WARS2: variants seen among roughly 807,000 people sequenced by gnomAD.
WARS2 encodes tryptophan--tRNA ligase, mitochondrial.
In WARS2, 28 loss-of-function variants were observed where a neutral mutation model predicts 36.5. That is an observed-to-expected ratio of 0.77 (90% confidence interval 0.57 to 1.05). The LOEUF is 1.05. Among genes scored for constraint, WARS2 ranks in the 50% least tolerant of loss-of-function variants. The probability of loss-of-function intolerance (pLI) is 0.00; values close to 1 mark genes in which losing one functional copy is unlikely to be tolerated. For missense variants in WARS2, 435 were observed against 456.8 expected (o/e 0.95, Z 0.44); for synonymous variants, 174 against 178.4 (o/e 0.98, Z 0.20).
chr1:119,091,294 C>G (rs928016151), intron 1 of WARS2, among the ~76,000 whole-genome samples: 3 of 152,148 alleles, frequency 2.0e-5, no homozygotes, highest in African/African-American at 7.2e-5. Context: ...ATAGCAAGAG[C>G]TATAAATGTA....
intron 1 of WARS2, among the ~76,000 whole-genome samples, chr1:119,125,024 T>G (rs587633762): frequency 1.3e-5 from 2 of 152,342 alleles, no homozygotes; most frequent in Non-Finnish European, 1.5e-5. Flanking sequence ...CTTATAGGGC[T>G]GTTACAAGAA....
chr1:119,069,239 C>G (rs1238339222), intron 2 of WARS2, among the ~76,000 whole-genome samples: 1 of 152,098 alleles, frequency 6.6e-6, no homozygotes, highest in Non-Finnish European at 1.5e-5. Flanking sequence ...ATATTTTTCT[C>G]TAACTCATAA....
chr1:119,098,839 T>A (rs944454641), intron 1 of WARS2, among the ~76,000 whole-genome samples: 16 of 151,760 alleles, frequency 1.1e-4, no homozygotes, highest in African/African-American at 3.9e-4. Context: ...TGGATACAAG[T>A]GATTCTCCTG....
chr1:119,041,805 T>C (rs1648390086), intron 4 of WARS2, among the ~76,000 whole-genome samples: 1 of 152,208 alleles, frequency 6.6e-6, no homozygotes, highest in Admixed American at 6.5e-5. Flanking sequence ...TAGCTACTGG[T>C]TATGAGCACA....
At chr1:119,111,061 C>A (rs587722868) in intron 1 of WARS2, among the ~76,000 whole-genome samples, 1 of 152,084 alleles carries the variant, frequency 6.6e-6, no homozygotes, top group African/African-American at 2.4e-5. Flanking sequence ...TCCATTAAAG[C>A]CCTTAACATA....
At chr1:119,111,180 T>G (rs1654605934) in intron 1 of WARS2, among the ~76,000 whole-genome samples, 1 of 152,194 alleles carries the variant, frequency 6.6e-6, no homozygotes, top group Admixed American at 6.5e-5. Flanking sequence ...TTTTTACTGG[T>G]TAGTATGTCT....
intron 2 of WARS2, chr1:119,064,865 G>A (rs1042579238): frequency 6.7e-6 from 1 of 150,068 alleles, no homozygotes; most frequent in Non-Finnish European, 1.5e-5. Flanking sequence ...TTAAAGGAAA[G>A]TCTCAAAAAT....
chr1:119,086,885 A>G (rs1652712640), intron 1 of WARS2, among the ~76,000 whole-genome samples: 1 of 152,022 alleles, frequency 6.6e-6, no homozygotes, highest in African/African-American at 2.4e-5. Context: ...TCTTCTGTAG[A>G]GTACTCCTCT....
At chr1:119,104,516 T>C (rs936904658) in intron 1 of WARS2, among the ~76,000 whole-genome samples, 6 of 151,362 alleles carry the variant, frequency 4.0e-5, no homozygotes, top group African/African-American at 1.2e-4. Flanking sequence ...TTGTTCAGCA[T>C]CTAATATGTG....
chr1:119,091,767 C>T (rs910577870), intron 1 of WARS2, among the ~76,000 whole-genome samples: 9 of 152,162 alleles, frequency 5.9e-5, no homozygotes, highest in African/African-American at 2.2e-4. Flanking sequence ...GGGAAGGAAT[C>T]ACTGCTGACA....
chr1:119,078,987 G>T lies in WARS2; in HGVS notation c.91-2380C>A, dbSNP rs587711918. Among the ~76,000 whole-genome samples the T allele has an allele frequency of 1.1e-4, 16 of 152,162 alleles. No individual in the cohort carries two copies. In the East Asian group the frequency reaches 1.7e-3, roughly 17 times the overall value. On this transcript the variant is annotated intron_variant, in intron 1 of 5. Coordinates refer to ENST00000235521, the MANE Select transcript of WARS2 (RefSeq NM_015836.4). ...ACATATGCATATACAAAATGTGTGTGTGTGTGCACTTTGAAGTTTTATCTT... is the reference window on the plus strand; with the variant it reads ...ACATATGCATATACAAAATGTGTGTTTGTGTGCACTTTGAAGTTTTATCTT...
chr1:119,094,494 A>T (rs1325805438), intron 1 of WARS2, among the ~76,000 whole-genome samples: 1 of 151,998 alleles, frequency 6.6e-6, no homozygotes, highest in Non-Finnish European at 1.5e-5. Context: ...CTTTTACTTT[A>T]AAAAAACAAG....
chr1:119,033,794 C>T (rs1444172063), intron 5 of WARS2, among the ~76,000 whole-genome samples: 1 of 152,168 alleles, frequency 6.6e-6, no homozygotes, highest in African/African-American at 2.4e-5. Flanking sequence ...CAAGAAGCAT[C>T]TGTTCATACT....
At chr1:119,069,225 A>C (rs1235695572) in intron 2 of WARS2, among the ~76,000 whole-genome samples, 1 of 152,206 alleles carries the variant, frequency 6.6e-6, no homozygotes, top group Non-Finnish European at 1.5e-5. Flanking sequence ...CACATTATAA[A>C]ATAATATTTT....
chr1:119,095,587 C>T (rs587749052), intron 1 of WARS2, among the ~76,000 whole-genome samples: 8 of 152,182 alleles, frequency 5.3e-5, no homozygotes, highest in African/African-American at 1.2e-4. Flanking sequence ...CGCCTGCCAC[C>T]GCGCCCGGCT....
intron 4 of WARS2, among the ~76,000 whole-genome samples, chr1:119,038,894 C>G (rs1474677427): frequency 6.6e-6 from 1 of 152,136 alleles, no homozygotes; most frequent in African/African-American, 2.4e-5. Context: ...TTTGGCCAGG[C>G]TGGTCTTGAA....
chr1:119,083,296 C>A (rs1182021926), intron 1 of WARS2, among the ~76,000 whole-genome samples: 1 of 152,152 alleles, frequency 6.6e-6, no homozygotes, highest in Non-Finnish European at 1.5e-5. Context: ...TCCACCCCCT[C>A]TACCATGTAA....
At chr1:119,138,392 G>T (rs1656663313) in intron 1 of WARS2, among the ~76,000 whole-genome samples, 1 of 152,082 alleles carries the variant, frequency 6.6e-6, no homozygotes, top group Admixed American at 6.5e-5. Context: ...TATCACAAAT[G>T]ATATTAATGA....
At chr1:119,097,410 C>A (rs1653516446) in intron 1 of WARS2, among the ~76,000 whole-genome samples, 1 of 152,178 alleles carries the variant, frequency 6.6e-6, no homozygotes, top group Admixed American at 6.5e-5. Flanking sequence ...TTTTCTTCTA[C>A]CATTCCCCTC....
Sources: allele counts gnomAD v4.1 joint callset (sites outside exome capture counted in the v4.1 genomes callset), GRCh38; gene constraint gnomAD v4.1.1; transcripts MANE v1.5; gene names NCBI Gene and HGNC (gene_info 2026-07-23, HGNC 2026-07-21).